The following ADAMTSL1 variants were observed in gnomAD, a reference collection of about 807,000 sequenced individuals.
ADAMTSL1 encodes the protein ADAMTS like 1.
ADAMTSL1 carries 126 observed loss-of-function variants against 201.8 expected under a neutral mutation model. The ratio of observed to expected loss-of-function variants is 0.62; its 90% CI spans 0.54 to 0.72. The LOEUF (loss-of-function observed/expected upper bound fraction) is 0.72. Ranked by LOEUF, ADAMTSL1 falls within the 30% of genes least tolerant of loss-of-function variation. The pLI is 0.00. For synonymous variants in ADAMTSL1, 1,121 were observed against 903.4 expected, an observed-to-expected ratio of 1.24 and a Z score of -4.32; for missense variants, 2,679 against 2,277.8, an observed-to-expected ratio of 1.18 and a Z score of -3.59.
At chr9:18,390,839 T>C (rs72686880) in intron 2 of ADAMTSL1, among the ~76,000 whole-genome samples, 20,782 of 151,748 alleles carry the variant, frequency 0.14, 1,517 homozygotes, top group South Asian at 0.29. Flanking sequence ...ACACTGACAA[T>C]GAGGACCCAC....
At chr9:18,647,261 A>G (rs1465042987) in intron 7 of ADAMTSL1, among the ~76,000 whole-genome samples, 1 of 151,532 alleles carries the variant, frequency 6.6e-6, no homozygotes, top group Non-Finnish European at 1.5e-5. Flanking sequence ...TATTGCATCT[A>G]TTTGATTCTT....
At chr9:18,649,713 A>C (rs1828080223) in intron 7 of ADAMTSL1, among the ~76,000 whole-genome samples, 1 of 152,138 alleles carries the variant, frequency 6.6e-6, no homozygotes. Context: ...GATTTTCATG[A>C]ACCTCAAATG....
chr9:18,424,906 G>A (rs1426488509), intron 2 of ADAMTSL1, among the ~76,000 whole-genome samples: 2 of 152,104 alleles, frequency 1.3e-5, no homozygotes, highest in East Asian at 1.9e-4. Context: ...GAGTATTTAC[G>A]TCTTTTGGTC....
At chr9:17,989,404 A>G (rs577935838) in intron 1 of ADAMTSL1, among the ~76,000 whole-genome samples, 3 of 151,966 alleles carry the variant, frequency 2.0e-5, no homozygotes, top group Non-Finnish European at 4.4e-5. Context: ...CTGCTTTATC[A>G]TAATTTAATT....
intron 2 of ADAMTSL1, among the ~76,000 whole-genome samples, chr9:18,189,881 T>C (rs1010304663): frequency 6.6e-6 from 1 of 152,216 alleles, no homozygotes; most frequent in African/African-American, 2.4e-5. Context: ...TAGCATGTAT[T>C]ATTCAATAAG....
chr9:18,318,917 C>T (rs1018140206), intron 2 of ADAMTSL1, among the ~76,000 whole-genome samples: 1 of 152,078 alleles, frequency 6.6e-6, no homozygotes, highest in African/African-American at 2.4e-5. Context: ...ACTTTACAAA[C>T]AAATAAAGAG....
At chr9:18,332,934 T>C (rs960897586) in intron 2 of ADAMTSL1, among the ~76,000 whole-genome samples, 1 of 152,160 alleles carries the variant, frequency 6.6e-6, no homozygotes, top group African/African-American at 2.4e-5. Context: ...GTCTGTTTCA[T>C]CATCTGTAAG....
chr9:18,335,679 T>A (rs531563173), intron 2 of ADAMTSL1, among the ~76,000 whole-genome samples: 1 of 152,210 alleles, frequency 6.6e-6, no homozygotes, highest in South Asian at 2.1e-4. Context: ...CAAAAATAAA[T>A]CTTCAAAAAC....
intron 1 of ADAMTSL1, among the ~76,000 whole-genome samples, chr9:18,131,936 GT>G (rs1448780219): frequency 6.6e-6 from 1 of 152,060 alleles, no homozygotes; most frequent in African/African-American, 2.4e-5. Flanking sequence ...AGTTCAGGAA[GT>G]TCTTCAGGAA....
intron 1 of ADAMTSL1, among the ~76,000 whole-genome samples, chr9:18,006,472 G>A (rs1005031926): frequency 1.3e-5 from 2 of 152,060 alleles, no homozygotes; most frequent in African/African-American, 4.8e-5. Flanking sequence ...AGATTCTTGT[G>A]TTCAACTTTG....
chr9:18,656,561 G>A (rs1828681373), intron 7 of ADAMTSL1, among the ~76,000 whole-genome samples: 1 of 149,130 alleles, frequency 6.7e-6, no homozygotes, highest in African/African-American at 2.5e-5. Context: ...CCCGGGAGGC[G>A]GAGCTGGCAG....
At chr9:18,040,228 A>G (rs753364474) in intron 1 of ADAMTSL1, among the ~76,000 whole-genome samples, 2 of 152,202 alleles carry the variant, frequency 1.3e-5, no homozygotes, top group African/African-American at 2.4e-5. Flanking sequence ...ATAACTATTG[A>G]TAACCTGGCT....
chr9:18,286,551 G>C lies in ADAMTSL1; in HGVS notation c.207+122570G>C, dbSNP rs998321309. ...CAAAGATAATGATAGTAGATACTTT[G>C]TGTTTCTATAGCAGTTTATGGTTTT... On this transcript the variant is annotated intron_variant, in intron 2 of 29. Transcript: ENST00000680146. Among the ~76,000 whole-genome samples the C allele has an allele frequency of 2.2e-5, 3 of 139,356 alleles. No homozygotes were observed. In the Admixed American group the frequency reaches 2.5e-4, roughly 12 times the overall value. The allele number at this position is 139,356 out of a possible 152,430, so 91.4% of individuals were successfully genotyped here.
chr9:18,848,545 C>G (rs1035283283), intron 23 of ADAMTSL1, among the ~76,000 whole-genome samples: 5 of 152,112 alleles, frequency 3.3e-5, no homozygotes, highest in African/African-American at 1.2e-4. Flanking sequence ...ACTTCCATGC[C>G]TGGAATACCC....
At chr9:17,918,445 G>A (rs908991023) in intron 1 of ADAMTSL1, among the ~76,000 whole-genome samples, 1 of 151,502 alleles carries the variant, frequency 6.6e-6, no homozygotes, top group Non-Finnish European at 1.5e-5. Context: ...GATTATCTGG[G>A]TATCTTTGTG....
chr9:18,907,023 G>A (rs895869494), intron 28 of ADAMTSL1, 111 bp downstream of exon 28: 5 of 1,267,412 alleles, frequency 3.9e-6, no homozygotes, highest in Non-Finnish European at 5.5e-6. Context: ...GCTTCCCCAG[G>A]GATTGTGAGC....
intron 14 of ADAMTSL1, chr9:18,718,312 T>C: frequency 1.3e-6 from 1 of 745,526 alleles, no homozygotes; most frequent in Non-Finnish European, 2.5e-6. Flanking sequence ...TGTCCATTTC[T>C]CATGTACAAA....
At chr9:18,249,337 C>G (rs1831378848) in intron 2 of ADAMTSL1, among the ~76,000 whole-genome samples, 1 of 152,140 alleles carries the variant, frequency 6.6e-6, no homozygotes, top group African/African-American at 2.4e-5. Flanking sequence ...TGAGTCTCAG[C>G]TTATTACCTA....
chr9:18,828,511 C>T (rs1588179508), intron 22 of ADAMTSL1, among the ~76,000 whole-genome samples: 1 of 151,100 alleles, frequency 6.6e-6, no homozygotes, highest in African/African-American at 2.4e-5. Flanking sequence ...AGAAAGGAAC[C>T]TCATTTTGTA....
Sources: gnomAD v4.1 joint callset for allele counts (sites outside exome capture counted in the v4.1 genomes callset) on GRCh38, gnomAD v4.1.1 for gene constraint, MANE v1.5 for transcripts, NCBI Gene and HGNC (gene_info 2026-07-23, HGNC 2026-07-21) for gene names.